DACH2: variants seen among roughly 807,000 people sequenced by gnomAD.
The protein encoded by DACH2 is dachshund homolog 2.
DACH2 carries 17 observed loss-of-function variants against 35.8 expected under a neutral mutation model. The observed-to-expected ratio is 0.48, with a 90% CI of 0.33 to 0.71. The LOEUF (loss-of-function observed/expected upper bound fraction) is 0.71, where lower values mean the gene tolerates loss of function less well. Among genes scored for constraint, DACH2 ranks in the 30% least tolerant of loss-of-function variants. The pLI, the probability that DACH2 is intolerant of heterozygous loss-of-function variation, is 0.02. For synonymous variants in DACH2, 195 were observed against 177.3 expected (o/e 1.10, Z -0.79); for missense variants, 469 against 472.7 (o/e 0.99, Z 0.07).
At chrX:86,831,496 A>C (rs1251715318) in intron 11 of DACH2, 3 of 111,540 alleles carry the variant, frequency 2.7e-5, no homozygotes, top group Non-Finnish European at 3.8e-5. Context: ...AGGTAGAATA[A>C]ATTTTTTTTT....
At chrX:86,294,645 C>T (rs918847600) in intron 1 of DACH2, among the ~76,000 whole-genome samples, 4 of 109,369 alleles carry the variant, frequency 3.7e-5, no homozygotes, top group Non-Finnish European at 7.6e-5. Flanking sequence ...TTCTAACAGA[C>T]AGGGCCCTCA....
intron 3 of DACH2, among the ~76,000 whole-genome samples, chrX:86,622,688 A>G (rs1368129739): frequency 8.9e-6 from 1 of 111,928 alleles, no homozygotes; most frequent in Non-Finnish European, 1.9e-5. Context: ...CTTACCATTC[A>G]TAGTTACTCC....
chrX:86,456,207 A>T (rs1330660712), intron 2 of DACH2, among the ~76,000 whole-genome samples: 1 of 112,198 alleles, frequency 8.9e-6, no homozygotes, highest in African/African-American at 3.2e-5. Flanking sequence ...TCAGTTGAAG[A>T]TGCTGAATTC....
intron 1 of DACH2, among the ~76,000 whole-genome samples, chrX:86,310,618 A>G (rs1377169240): frequency 8.9e-6 from 1 of 112,093 alleles, no homozygotes; most frequent in African/African-American, 3.2e-5. Flanking sequence ...TTTGCATGGA[A>G]GGAGAAATGG....
chrX:86,667,549 A>AAAG (rs1569463664), intron 4 of DACH2, among the ~76,000 whole-genome samples: 238 of 31,915 alleles, frequency 7.5e-3, no homozygotes, highest in Admixed American at 0.012. Context: ...AAGAAAGAAG[A>AAAG]AAGAAAGAAA....
At chrX:86,744,912 C>T (rs1183015236) in intron 7 of DACH2, among the ~76,000 whole-genome samples, 2 of 111,327 alleles carry the variant, frequency 1.8e-5, no homozygotes, top group Non-Finnish European at 3.8e-5. Flanking sequence ...ATTCACTCTA[C>T]TTTACCTGTG....
chrX:86,324,698 C>T (rs1239287538), intron 1 of DACH2, among the ~76,000 whole-genome samples: 1 of 90,291 alleles, frequency 1.1e-5, no homozygotes, highest in Non-Finnish European at 2.2e-5. Flanking sequence ...CCTGCCTCAG[C>T]CTCCCAAGTA....
intron 6 of DACH2, among the ~76,000 whole-genome samples, chrX:86,721,039 G>A (rs963775844): frequency 8.9e-6 from 1 of 112,370 alleles, no homozygotes; most frequent in East Asian, 2.8e-4. Flanking sequence ...CAGCTGGGAC[G>A]AAGGGCACCA....
intron 6 of DACH2, among the ~76,000 whole-genome samples, chrX:86,722,253 T>C (rs1211990290): frequency 8.9e-6 from 1 of 111,971 alleles, no homozygotes. Flanking sequence ...TGAAGGGAAG[T>C]TGGATTTTTT....
chrX:86,310,917 C>T (rs1048733151), intron 1 of DACH2, among the ~76,000 whole-genome samples: 6 of 110,950 alleles, frequency 5.4e-5, no homozygotes, highest in African/African-American at 1.6e-4. Flanking sequence ...TGTCATTGCC[C>T]AATGAGCCAA....
intron 1 of DACH2, among the ~76,000 whole-genome samples, chrX:86,314,378 C>T (rs1249978051): frequency 9.0e-6 from 1 of 110,571 alleles, no homozygotes; most frequent in African/African-American, 3.3e-5. Flanking sequence ...ATTAGCTGAG[C>T]ATACGGGTTC....
At chrX:86,307,147 A>T (rs768653711) in intron 1 of DACH2, among the ~76,000 whole-genome samples, 2 of 111,947 alleles carry the variant, frequency 1.8e-5, no homozygotes, top group African/African-American at 6.5e-5. Flanking sequence ...TGTTGCTCCG[A>T]AGTTCAGTGG....
At chrX:86,173,184 G>A (rs934617127) in intron 1 of DACH2, among the ~76,000 whole-genome samples, 3 of 111,468 alleles carry the variant, frequency 2.7e-5, no homozygotes, top group Non-Finnish European at 3.8e-5. Flanking sequence ...AATAGTTATC[G>A]GGTGTACTCT....
chrX:86,399,811 A>G (rs1186207787), intron 2 of DACH2, among the ~76,000 whole-genome samples: 1 of 111,508 alleles, frequency 9.0e-6, no homozygotes, highest in East Asian at 2.8e-4. Flanking sequence ...GCTGCCCTTA[A>G]CATTTTTTCC....
intron 2 of DACH2, among the ~76,000 whole-genome samples, chrX:86,427,615 G>C (rs1368051523): frequency 9.0e-6 from 1 of 111,063 alleles, no homozygotes; most frequent in African/African-American, 3.3e-5. Context: ...TGAAACTAGA[G>C]CTGATTCTAC....
At chrX:86,403,846 G>T (rs189372428) in intron 2 of DACH2, among the ~76,000 whole-genome samples, 5 of 111,411 alleles carry the variant, frequency 4.5e-5, no homozygotes, top group African/African-American at 1.6e-4. Flanking sequence ...ATAAAGGAAA[G>T]ATGTTTAATT....
intron 1 of DACH2, among the ~76,000 whole-genome samples, chrX:86,261,837 A>G (rs1380707799): frequency 7.2e-5 from 8 of 111,518 alleles, no homozygotes; most frequent in Non-Finnish European, 1.5e-4. Flanking sequence ...TCAGCCAATG[A>G]TTAATACCAC....
intron 1 of DACH2, among the ~76,000 whole-genome samples, chrX:86,369,710 A>G (rs1473649483): frequency 9.0e-6 from 1 of 111,642 alleles, no homozygotes; most frequent in African/African-American, 3.2e-5. Context: ...AGCATTATTT[A>G]TTTTCATGAA....
At chrX:86,758,860 C>T (rs1420003174) in intron 7 of DACH2, among the ~76,000 whole-genome samples, 5 of 112,489 alleles carry the variant, frequency 4.4e-5, no homozygotes, top group Non-Finnish European at 9.4e-5. Context: ...ATAATAATCA[C>T]ATGATACTAT....
Sources: gnomAD v4.1 joint callset for allele counts (sites outside exome capture counted in the v4.1 genomes callset) on GRCh38, gnomAD v4.1.1 for gene constraint, MANE v1.5 for transcripts, NCBI Gene and HGNC (gene_info 2026-07-23, HGNC 2026-07-21) for gene names.